The following SEPTIN9 variants were observed in gnomAD, a reference collection of about 807,000 sequenced individuals.
SEPTIN9 encodes the protein septin-9.
A neutral mutation model predicts 56.6 loss-of-function variants in SEPTIN9; 13 were observed. The observed-to-expected ratio is 0.23, with a 90% confidence interval of 0.15 to 0.37. SEPTIN9 has a LOEUF of 0.37. Ranked by LOEUF, SEPTIN9 falls within the 10% of genes least tolerant of loss-of-function variation. SEPTIN9 has a pLI of 1.00. For missense variants in SEPTIN9, 650 were observed against 823.1 expected (o/e 0.79, Z 2.57); for synonymous variants, 332 against 334.1 (o/e 0.99, Z 0.07).
Position 77,488,879 on chromosome 17 carries a change from T to A in SEPTIN9, c.1262+15T>A. 6.2e-7 allele frequency: 1 copy of A among 1,612,754 alleles called. No homozygotes were observed. The highest frequency in any genetic ancestry group is 8.5e-7 in the Non-Finnish European group (1 of 1,179,762). ...ACCGGCCACTCGTACGTCCCTGCAGTGTCGGCGTCCTCATGCCGGGTGCCC... is the reference window on the plus strand; with the variant it reads ...ACCGGCCACTCGTACGTCCCTGCAGAGTCGGCGTCCTCATGCCGGGTGCCC... On this transcript the variant is annotated intron_variant, in intron 7 of 11. Coordinates refer to ENST00000427177, the MANE Select transcript of SEPTIN9 (RefSeq NM_001113491.2).
At chr17:77,368,377 T>C (rs548312452) in intron 2 of SEPTIN9, among the ~76,000 whole-genome samples, 1 of 152,030 alleles carries the variant, frequency 6.6e-6, no homozygotes, top group Non-Finnish European at 1.5e-5. Context: ...ACTGGCGTGA[T>C]CTTGGCTCAC....
At chr17:77,383,228 C>T (rs2035212106) in intron 2 of SEPTIN9, among the ~76,000 whole-genome samples, 1 of 151,174 alleles carries the variant, frequency 6.6e-6, no homozygotes, top group Non-Finnish European at 1.5e-5. Context: ...GACCCAAGTC[C>T]AGGCCCTTCC....
chr17:77,381,412 C>A (rs977469194), intron 2 of SEPTIN9, among the ~76,000 whole-genome samples: 26 of 143,960 alleles, frequency 1.8e-4, no homozygotes, highest in African/African-American at 6.5e-4. Context: ...TCCCCACCCC[C>A]CACCCCATGT....
At chr17:77,416,651 G>C (rs1210949460) in intron 3 of SEPTIN9, among the ~76,000 whole-genome samples, 2 of 152,186 alleles carry the variant, frequency 1.3e-5, no homozygotes, top group African/African-American at 4.8e-5. Context: ...GGGTCACTCT[G>C]GTCCGAGGAC....
chr17:77,397,693 A>G (rs559810809), intron 2 of SEPTIN9, among the ~76,000 whole-genome samples: 23 of 152,190 alleles, frequency 1.5e-4, no homozygotes, highest in African/African-American at 2.6e-4. Context: ...TTTGTCGCCC[A>G]GGCTGGAGTA....
chr17:77,497,461 G>A (rs1021545861), intron 11 of SEPTIN9, 95 bp downstream of exon 11: 1 of 1,196,008 alleles, frequency 8.4e-7, no homozygotes, highest in African/African-American at 1.5e-5. Flanking sequence ...GAAGCCCTGG[G>A]CAGAGTGGGT....
At chr17:77,497,485 T>C in intron 11 of SEPTIN9, 119 bp downstream of exon 11, 1 of 849,810 alleles carries the variant, frequency 1.2e-6, no homozygotes, top group Admixed American at 2.0e-5. Context: ...CCCTGCCACC[T>C]GCCTGCCCTG....
At chr17:77,346,710 C>T (rs1476937751) in intron 2 of SEPTIN9, among the ~76,000 whole-genome samples, 32 of 152,120 alleles carry the variant, frequency 2.1e-4, no homozygotes. Flanking sequence ...TACCAGTGTT[C>T]TTCAGATTAT....
chr17:77,486,622 GTGT>G, intron 4 of SEPTIN9, among the ~76,000 whole-genome samples: 1 of 152,064 alleles, frequency 6.6e-6, no homozygotes, highest in Non-Finnish European at 1.5e-5. Flanking sequence ...AGTTGTGTGT[GTGT>G]TGTGAGTTGT....
Position 77,500,391 on chromosome 17 carries a change from T to TGGGGGGG in SEPTIN9, c.*1738_*1739insGGGGGGG. The TGGGGGGG allele has an allele frequency of 1.3e-5, 2 of 158,890 alleles. No individual in the cohort carries two copies. Among genetic ancestry groups the TGGGGGGG allele is most frequent in the East Asian group, 1.3e-4 (1 of 7,672 alleles). 9.8% of individuals were successfully genotyped at this position (158,890 alleles called of 1,614,324 possible). ...AATGTCACTTGGTGGCGGGGTGGGG[T>TGGGGGGG]GGGGGTGGGCAGCAGCATCCCAGCC... On this transcript the variant is annotated 3_prime_UTR_variant, in exon 12 of 12. Coordinates refer to ENST00000427177, the MANE Select transcript of SEPTIN9 (RefSeq NM_001113491.2).
intron 2 of SEPTIN9, among the ~76,000 whole-genome samples, chr17:77,363,881 C>T (rs1485087908): frequency 1.3e-5 from 2 of 152,116 alleles, no homozygotes; most frequent in African/African-American, 2.4e-5. Flanking sequence ...GGCCTGGTTC[C>T]GGCAGCCTTG....
At position 77,329,913 on chromosome 17, in the gene SEPTIN9, C is replaced by A. The variant is rs966611849; in HGVS notation, c.76+22716C>A. Among the ~76,000 whole-genome samples, 2 of 152,188 alleles carry A rather than the reference C, an allele frequency of 1.3e-5. No homozygotes were observed. The highest frequency in any genetic ancestry group is 2.4e-5 in the African/African-American group (1 of 41,446). ...GGGGTGAGCAGGACAAGTGAGGTCTCCAGACTTGGGGTGGCTTCGGACTGG... is the reference window on the plus strand; with the variant it reads ...GGGGTGAGCAGGACAAGTGAGGTCTACAGACTTGGGGTGGCTTCGGACTGG... On this transcript the variant is annotated intron_variant, in intron 2 of 11. Coordinates refer to ENST00000427177, the MANE Select transcript of SEPTIN9 (RefSeq NM_001113491.2). The surrounding 1 kb of genome is among the most constrained non-coding windows in gnomAD (Gnocchi z 4.3).
Position 77,285,983 on chromosome 17 carries a change from C to T in SEPTIN9, c.19+4429C>T, listed in dbSNP as rs140401981. 7.7e-4 allele frequency among the ~76,000 whole-genome samples: 118 copies of T among 152,350 alleles called. 1 individual carries two copies. In the East Asian group the frequency reaches 0.021, roughly 27 times the overall value. The stretch of plus-strand genomic sequence containing the variant: ...CGGTGACAGGCGAGCGTGGGAAGGG[C>T]ACAAGCACAGGGTTTCTTCCTCTTC... On this transcript the variant is annotated intron_variant, in intron 1 of 11. Transcript: ENST00000427177.
intron 3 of SEPTIN9, among the ~76,000 whole-genome samples, chr17:77,413,092 G>A (rs1453448859): frequency 8.1e-6 from 1 of 123,226 alleles, no homozygotes; most frequent in African/African-American, 4.2e-5. Context: ...TGGGGCGTGT[G>A]TGTGTGTGTG....
chr17:77,373,498 A>G, intron 2 of SEPTIN9: 1 of 1,537,994 alleles, frequency 6.5e-7, no homozygotes. Context: ...ACCAGCCATC[A>G]TGTCGGACCC....
At position 77,402,915 on chromosome 17, in the gene SEPTIN9, C is replaced by G. The variant is rs142811390; in HGVS notation, c.721+212C>G. On this transcript the variant is annotated intron_variant, in intron 3 of 11. Transcript: ENST00000427177. The surrounding 1 kb of genome is among the most constrained non-coding windows in gnomAD (Gnocchi z 6.6). ...TGGGAACATGCCAAGATGCCCCAAG[C>G]GGGACTTGAATGAGAGTTTGGAAAG... 8.3e-4 allele frequency among the ~76,000 whole-genome samples: 127 copies of G among 152,228 alleles called. 3 individuals carry two copies. The East Asian group carries it at 0.015, about 18-fold the overall frequency.
At chr17:77,484,721 GTGGTGA>G in intron 4 of SEPTIN9, among the ~76,000 whole-genome samples, 2 of 98,512 alleles carry the variant, frequency 2.0e-5, no homozygotes, top group African/African-American at 1.1e-4. Flanking sequence ...GTGGGTGGTG[GTGGTGA>G]TTGTGATGGT....
chr17:77,488,672 C>T, intron 6 of SEPTIN9, 55 bp from the exon 7 acceptor site: 1 of 1,609,812 alleles, frequency 6.2e-7, no homozygotes, highest in South Asian at 1.1e-5. Context: ...AATGCACGAC[C>T]TGCTTGGGGA....
Position 77,498,737 on chromosome 17 carries a change from A to C in SEPTIN9, c.*79A>C. 1.6e-6 allele frequency: 1 copy of C among 619,436 alleles called. No individual in the cohort carries two copies. The allele number at this position is 619,436 out of a possible 1,614,324, so 38.4% of individuals were successfully genotyped here. A position where few individuals can be genotyped will look rare whatever the true frequency, so the allele number is the denominator to read the frequency against. On this transcript the variant is annotated 3_prime_UTR_variant, in exon 12 of 12. Transcript: ENST00000427177. ...CCAGGCCCTCCCACCACCCCATTTT[A>C]TTTTATATGATTTTCTCCATTTGTC...
Sources: allele counts gnomAD v4.1 joint callset (sites outside exome capture counted in the v4.1 genomes callset), GRCh38; gene constraint gnomAD v4.1.1; non-coding constraint Gnocchi (gnomAD v3.1); transcripts MANE v1.5; gene names NCBI Gene and HGNC (gene_info 2026-07-23, HGNC 2026-07-21).